CMTM8: variants seen among roughly 807,000 people sequenced by gnomAD.
CMTM8 encodes the protein CKLF-like MARVEL transmembrane domain-containing protein 8.
CMTM8 carries 12 observed loss-of-function variants against 18.6 expected under a neutral mutation model. The observed-to-expected ratio is 0.65, with a 90% CI of 0.41 to 1.05. The LOEUF is 1.05. Ranked by LOEUF, CMTM8 falls within the 50% of genes least tolerant of loss-of-function variation. CMTM8 has a pLI of 0.00. For synonymous variants in CMTM8, 87 were observed against 90.6 expected (o/e 0.96, Z 0.23); for missense variants, 217 against 227.2 (o/e 0.95, Z 0.29).
chr3:32,292,813 G>T (rs575804784), intron 1 of CMTM8, among the ~76,000 whole-genome samples: 1 of 152,042 alleles, frequency 6.6e-6, no homozygotes, highest in African/African-American at 2.4e-5. Context: ...TCCAGATGTT[G>T]CCAAATGCTC....
intron 1 of CMTM8, among the ~76,000 whole-genome samples, chr3:32,297,997 GTCA>G (rs1256622403): frequency 1.3e-5 from 2 of 151,618 alleles, no homozygotes; most frequent in Non-Finnish European, 2.9e-5. Context: ...TGGTTTCATG[GTCA>G]TCAGCAGCAG....
At chr3:32,365,989 C>T (rs921620897) in intron 2 of CMTM8, among the ~76,000 whole-genome samples, 1 of 152,108 alleles carries the variant, frequency 6.6e-6, no homozygotes, top group African/African-American at 2.4e-5. Context: ...ACCTTTATGA[C>T]GATCCTGGTT....
At chr3:32,330,413 A>T (rs1696250896) in intron 1 of CMTM8, among the ~76,000 whole-genome samples, 1 of 152,146 alleles carries the variant, frequency 6.6e-6, no homozygotes, top group African/African-American at 2.4e-5. Context: ...TTTGGGCTGT[A>T]GTGAACTATA....
intron 1 of CMTM8, among the ~76,000 whole-genome samples, chr3:32,331,562 AAG>A (rs1319932941): frequency 6.6e-6 from 1 of 151,936 alleles, no homozygotes; most frequent in African/African-American, 2.4e-5. Flanking sequence ...AAAAAAAAAA[AAG>A]GATCTTGAGA....
intron 1 of CMTM8, among the ~76,000 whole-genome samples, chr3:32,323,518 A>G (rs1696100447): frequency 1.3e-5 from 2 of 152,152 alleles, no homozygotes; most frequent in East Asian, 1.9e-4. Flanking sequence ...TTTTACCCCC[A>G]ATAGTCTTTC....
chr3:32,345,025 G>A (rs545331723), intron 1 of CMTM8, among the ~76,000 whole-genome samples: 29 of 152,260 alleles, frequency 1.9e-4, no homozygotes, highest in Non-Finnish European at 2.5e-4. Flanking sequence ...GCTGCAAGTG[G>A]TGAGTTGATT....
At chr3:32,289,533 G>T (rs1363873624) in intron 1 of CMTM8, among the ~76,000 whole-genome samples, 1 of 152,178 alleles carries the variant, frequency 6.6e-6, no homozygotes, top group Non-Finnish European at 1.5e-5. Flanking sequence ...CAGGCTAGGA[G>T]AGGGGAGAGA....
rs572221100 is a variant in CMTM8, at chr3:32,247,739, G to T, written c.147+8620G>T. Among the ~76,000 whole-genome samples the T allele has an allele frequency of 4.6e-5, 7 of 152,308 alleles. No homozygotes were observed. In the South Asian group the frequency reaches 1.5e-3, roughly 32 times the overall value. Reference sequence around the variant, plus strand: ...GCCTCCCAAAGAGATGAGATTATAGGCGTGAGCCACCAGACCCAGCTGAAT... The same window carrying T: ...GCCTCCCAAAGAGATGAGATTATAGTCGTGAGCCACCAGACCCAGCTGAAT... On this transcript the variant is annotated intron_variant, in intron 1 of 3. Transcript: ENST00000307526.
intron 1 of CMTM8, among the ~76,000 whole-genome samples, chr3:32,265,144 A>G (rs975307288): frequency 6.6e-5 from 10 of 152,214 alleles, no homozygotes; most frequent in African/African-American, 2.4e-4. Context: ...AATCAACAGA[A>G]TATACATTCT....
At chr3:32,257,069 C>T (rs1702183595) in intron 1 of CMTM8, among the ~76,000 whole-genome samples, 1 of 152,180 alleles carries the variant, frequency 6.6e-6, no homozygotes, top group African/African-American at 2.4e-5. Flanking sequence ...ATCACTGCAA[C>T]CTCTGCTTCC....
intron 1 of CMTM8, among the ~76,000 whole-genome samples, chr3:32,243,596 AT>A (rs1340866997): frequency 6.6e-6 from 1 of 151,730 alleles, no homozygotes; most frequent in Non-Finnish European, 1.5e-5. Context: ...CCTCGGACAC[AT>A]TTTTGGATAA....
In CMTM8 at chr3:32,369,959, A is replaced by G. The variant is rs557126180; in HGVS notation, c.514A>G (p.Ile172Val). ...TTTTATAGCATGGAGATCCAGGACC[A>G]TACAGTGATTTACCATTTTGATAAT... ...FSFIAWRSRTIQ is the reference protein window; with the variant it reads ...FSFIAWRSRTVQ Residue 172 changes from isoleucine to valine, a missense_variant, in exon 4 of 4, where the codon ATA becomes GTA. Transcript: ENST00000307526. 2 of 1,573,724 alleles carry G rather than the reference A, an allele frequency of 1.3e-6. No homozygotes were observed. Among genetic ancestry groups the G allele is most frequent in the African/African-American group, 1.3e-5 (1 of 74,404 alleles).
chr3:32,266,062 C>T (rs1459590039), intron 1 of CMTM8, among the ~76,000 whole-genome samples: 1 of 152,176 alleles, frequency 6.6e-6, no homozygotes, highest in African/African-American at 2.4e-5. Flanking sequence ...TGAAACTATT[C>T]CAATCAATAG....
chr3:32,297,816 G>C (rs1695506062), intron 1 of CMTM8, among the ~76,000 whole-genome samples: 1 of 152,028 alleles, frequency 6.6e-6, no homozygotes, highest in African/African-American at 2.4e-5. Context: ...AGGTCTGTGG[G>C]TGGGAAAATA....
At chr3:32,273,344 A>T (rs944088654) in intron 1 of CMTM8, among the ~76,000 whole-genome samples, 2 of 152,108 alleles carry the variant, frequency 1.3e-5, no homozygotes, top group Middle Eastern at 3.2e-3. Flanking sequence ...ACACACACAC[A>T]CACATATATA....
chr3:32,239,295 C>T (rs1305893728), intron 1 of CMTM8, among the ~76,000 whole-genome samples, 176 bp downstream of exon 1: 1 of 152,088 alleles, frequency 6.6e-6, no homozygotes, highest in East Asian at 1.9e-4. Flanking sequence ...CCAGGAAACT[C>T]GGGCTGTCCT....
At chr3:32,366,200 G>A (rs149792976) in intron 2 of CMTM8, among the ~76,000 whole-genome samples, 1 of 152,304 alleles carries the variant, frequency 6.6e-6, no homozygotes, top group Non-Finnish European at 1.5e-5. Context: ...CACAGAGGGA[G>A]AATGCCCCTG....
intron 1 of CMTM8, among the ~76,000 whole-genome samples, chr3:32,268,590 T>TTA (rs1553602856): frequency 1.0e-4 from 15 of 147,962 alleles, no homozygotes; most frequent in South Asian, 8.5e-4. Context: ...ACTTAAAGTA[T>TTA]AAAAAAAAAA....
chr3:32,335,120 C>A (rs749594728), intron 1 of CMTM8, among the ~76,000 whole-genome samples: 51 of 152,152 alleles, frequency 3.4e-4, no homozygotes, highest in Non-Finnish European at 6.2e-4. Context: ...GGAGGCCTGG[C>A]CAGGGGCGAG....
Sources: gnomAD v4.1 joint callset for allele counts (sites outside exome capture counted in the v4.1 genomes callset) on GRCh38, gnomAD v4.1.1 for gene constraint, MANE v1.5 for transcripts, NCBI Gene and HGNC (gene_info 2026-07-23, HGNC 2026-07-21) for gene names.